Variants in PHC2 observed in about 807,000 individuals in gnomAD.
PHC2 encodes the protein polyhomeotic homolog 2.
In PHC2, 29 loss-of-function variants were observed where a neutral mutation model predicts 87.4. The ratio of observed to expected loss-of-function variants is 0.33; its 90% confidence interval spans 0.25 to 0.45. PHC2 has a LOEUF of 0.45. Among genes scored for constraint, PHC2 ranks in the 20% least tolerant of loss-of-function variants. The probability of loss-of-function intolerance (pLI) is 1.00; values close to 1 mark genes in which losing one functional copy is unlikely to be tolerated. For missense variants in PHC2, 857 were observed against 1,136.7 expected (o/e 0.75, Z 3.54); for synonymous variants, 438 against 461.7 (o/e 0.95, Z 0.66).
chr1:33,370,102 A>T (rs931793043), intron 5 of PHC2, among the ~76,000 whole-genome samples: 1 of 152,152 alleles, frequency 6.6e-6, no homozygotes, highest in African/African-American at 2.4e-5. Context: ...CCACCTGGGC[A>T]TGAACCACTC....
intron 3 of PHC2, 85 bp downstream of exon 3, chr1:33,372,204 G>A (rs1570494812): frequency 1.1e-5 from 15 of 1,329,012 alleles, no homozygotes; most frequent in South Asian, 1.5e-5. Flanking sequence ...GATGTGAAGC[G>A]CAGGTGCGGT....
rs1647338863 is a variant in PHC2, at chr1:33,364,563, C to G, written c.976+2553G>C. ...AGGTGCTGCTCCTGGCTGCCGTGCA[C>G]TAGGTCCTAAGAATGATTTCAGTCT... is the stretch of plus-strand genomic sequence containing the variant. On this transcript the variant is annotated intron_variant, in intron 7 of 14. Coordinates refer to ENST00000683057, the MANE Select transcript of PHC2 (RefSeq NM_001385109.1). The surrounding 1 kb of genome is among the most constrained non-coding windows in gnomAD (Gnocchi z 4.1). Among the ~76,000 whole-genome samples the G allele has an allele frequency of 6.6e-6, 1 of 152,208 alleles. No individual in the cohort carries two copies. The highest frequency in any genetic ancestry group is 6.5e-5 in the Admixed American group (1 of 15,282).
chr1:33,341,345 CG>C (rs1646741799), intron 9 of PHC2, among the ~76,000 whole-genome samples: 1 of 152,178 alleles, frequency 6.6e-6, no homozygotes, highest in African/African-American at 2.4e-5. Context: ...GTGGATAGCA[CG>C]AGGGCACTTG....
At chr1:33,367,904 T>G (rs1175746245) in intron 6 of PHC2, among the ~76,000 whole-genome samples, 1 of 152,134 alleles carries the variant, frequency 6.6e-6, no homozygotes, top group African/African-American at 2.4e-5. Context: ...CACCGGCTCT[T>G]CCAAGACGGC....
intron 14 of PHC2, chr1:33,326,220 G>A (rs901466243): frequency 5.7e-5 from 10 of 176,914 alleles, no homozygotes; most frequent in Middle Eastern, 2.4e-3. Flanking sequence ...TAAAGGAACC[G>A]GGATCTGCCG....
chr1:33,412,704 C>T (rs1201082032), intron 1 of PHC2, among the ~76,000 whole-genome samples: 2 of 152,190 alleles, frequency 1.3e-5, no homozygotes, highest in Admixed American at 1.3e-4. Context: ...TTCGGTGCAA[C>T]TTATCTCTAA....
intron 1 of PHC2, among the ~76,000 whole-genome samples, chr1:33,414,474 A>G (rs1015030726): frequency 1.3e-5 from 2 of 152,166 alleles, no homozygotes; most frequent in African/African-American, 4.8e-5. Context: ...GAATATTGGG[A>G]TGTTTATCAA....
intron 1 of PHC2, among the ~76,000 whole-genome samples, chr1:33,429,736 A>C (rs900506764): frequency 1.3e-5 from 2 of 152,240 alleles, no homozygotes; most frequent in African/African-American, 4.8e-5. Flanking sequence ...TATGCCAAGT[A>C]TTTGTTGTTG....
Position 33,382,061 on chromosome 1 carries a change from G to A in PHC2, c.-54-6468C>T, listed in dbSNP as rs771658955. Among the ~76,000 whole-genome samples, 9 of 152,116 alleles carry A rather than the reference G, an allele frequency of 5.9e-5. No homozygotes were observed. The highest frequency in any genetic ancestry group is 1.2e-4 in the Non-Finnish European group (8 of 68,020). Reference sequence around the variant, plus strand: ...AGTTTGCCCTGCAGAGAAACCAGAAGCTAGGGTCCTGCCATATGTCACTTT... The same window carrying A: ...AGTTTGCCCTGCAGAGAAACCAGAAACTAGGGTCCTGCCATATGTCACTTT... On this transcript the variant is annotated intron_variant, in intron 1 of 14. Coordinates refer to ENST00000683057, the MANE Select transcript of PHC2 (RefSeq NM_001385109.1). The surrounding 1 kb of genome is among the most constrained non-coding windows in gnomAD (Gnocchi z 4.3).
chr1:33,338,882 A>AG (rs1333596694), intron 9 of PHC2, among the ~76,000 whole-genome samples: 1 of 152,034 alleles, frequency 6.6e-6, no homozygotes, highest in Admixed American at 6.6e-5. Context: ...CGGTGGGGGA[A>AG]GGGGGAGGTA....
rs146515869 is a variant in PHC2 at position 33,355,130 on chromosome 1, C to T, written c.1100G>A (p.Arg367Gln). Residue 367 changes from arginine (R) to glutamine (Q), a missense_variant, in exon 8 of 15, where the codon CGG becomes CAG. Around this residue, in one of 3 missense-constraint regions of PHC2, gnomAD observed 832 missense variants for 1,081.8 expected, o/e 0.77. Coordinates refer to ENST00000683057, the MANE Select transcript of PHC2 (RefSeq NM_001385109.1). ...QQQQPPPQQS[R>Q]PVLQAEPHPQ... is the part of the protein sequence containing the mutation. ...GTGGGGCTCAGCTTGGAGCACAGGC[C>T]GTGACTGCTGGGGCGGCGGCTGCTG... 975 of 1,611,282 alleles carry T rather than the reference C, an allele frequency of 6.1e-4. 4 individuals carry two copies. The African/African-American group carries it at 0.011, about 18-fold the overall frequency.
At chr1:33,343,333 G>A (rs766194150) in intron 9 of PHC2, among the ~76,000 whole-genome samples, 1 of 151,902 alleles carries the variant, frequency 6.6e-6, no homozygotes, top group Non-Finnish European at 1.5e-5. Flanking sequence ...AACTGGGTGT[G>A]GTGGCGAGCG....
chr1:33,356,251 A>ATATATATATGTATATATATATATG (rs1647070346), intron 7 of PHC2, among the ~76,000 whole-genome samples: 1 of 39,816 alleles, frequency 2.5e-5, no homozygotes, highest in Non-Finnish European at 5.1e-5. Flanking sequence ...GAAAATTCTT[A>ATATATATATGTATATATATATATG]TATATATATA....
At chr1:33,380,474 A>G (rs1181846910) in intron 1 of PHC2, among the ~76,000 whole-genome samples, 1 of 152,230 alleles carries the variant, frequency 6.6e-6, no homozygotes, top group East Asian at 1.9e-4. Context: ...TAATGTTTTC[A>G]AAGTTCATTC....
chr1:33,388,783 T>A lies in PHC2; in HGVS notation c.-54-13190A>T, dbSNP rs556371830. Among the ~76,000 whole-genome samples the A allele has an allele frequency of 1.4e-4, 22 of 152,330 alleles. No individual in the cohort carries two copies. The South Asian group carries it at 2.9e-3, about 20-fold the overall frequency. On this transcript the variant is annotated intron_variant, in intron 1 of 14. Transcript: ENST00000683057. ...CTGATTAATCCTTCCAGCATTGCTT[T>A]AGATCAGTGATTACATGAGGCAGCA...
At chr1:33,338,502 A>G (rs1273272298) in intron 9 of PHC2, among the ~76,000 whole-genome samples, 2 of 152,212 alleles carry the variant, frequency 1.3e-5, no homozygotes, top group East Asian at 3.9e-4. Flanking sequence ...TGCTTTAGTA[A>G]CAAAGGAGTT....
chr1:33,404,067 G>T (rs148937197), intron 1 of PHC2, among the ~76,000 whole-genome samples: 1,998 of 152,214 alleles, frequency 0.013, 24 homozygotes, highest in Non-Finnish European at 0.02. Flanking sequence ...CCTCTCCTCT[G>T]AGTGAAGTAT....
intron 1 of PHC2, among the ~76,000 whole-genome samples, chr1:33,415,964 CA>C (rs1393063416): frequency 1.3e-5 from 2 of 149,546 alleles, no homozygotes; most frequent in African/African-American, 4.9e-5. Flanking sequence ...CAAAATGAGG[CA>C]CAGAGACACA....
At position 33,349,301 on chromosome 1, in the gene PHC2, G is replaced by A. The variant is rs1016799135; in HGVS notation, c.1558+5100C>T. The A allele has an allele frequency of 3.0e-6, 3 of 985,386 alleles. No individual in the cohort carries two copies. Among genetic ancestry groups the A allele is most frequent in the Non-Finnish European group, 3.6e-6 (3 of 829,938 alleles). 61.0% of individuals were successfully genotyped at this position (985,386 alleles called of 1,614,324 possible). On this transcript the variant is annotated intron_variant, in intron 9 of 14. Transcript: ENST00000683057. This position sits in a 1 kb window ranked among gnomAD's most constrained non-coding sequence, Gnocchi z 4.2. ...GGGAAGTCGCAGCGGCGGGGAGGCC[G>A]GTCCTAGGTTGGGGCTGGGGTGGGG...
Sources: gnomAD v4.1 joint callset for allele counts (sites outside exome capture counted in the v4.1 genomes callset) on GRCh38, gnomAD v4.1.1 for gene constraint, gnomAD v4.1.1 regional missense constraint, Gnocchi (gnomAD v3.1) non-coding constraint, MANE v1.5 for transcripts, NCBI Gene and HGNC (gene_info 2026-07-23, HGNC 2026-07-21) for gene names.